Variants in PIAS2 observed in about 807,000 individuals in gnomAD.
PIAS2 encodes the protein protein inhibitor of activated STAT 2.
A neutral mutation model predicts 69.7 loss-of-function variants in PIAS2; 19 were observed. That is an observed-to-expected ratio of 0.27 (90% CI 0.19 to 0.40). PIAS2 has a LOEUF of 0.40. PIAS2 is among the 10% of genes least tolerant of loss of function. The pLI, the probability that PIAS2 is intolerant of heterozygous loss-of-function variation, is 1.00. For missense variants in PIAS2, 624 were observed against 757.0 expected, an observed-to-expected ratio of 0.82 and a Z score of 2.06; for synonymous variants, 261 against 263.2, an observed-to-expected ratio of 0.99 and a Z score of 0.08.
intron 1 of PIAS2, among the ~76,000 whole-genome samples, chr18:46,906,561 ATT>A (rs1232444029): frequency 6.6e-6 from 1 of 152,188 alleles, no homozygotes; most frequent in Non-Finnish European, 1.5e-5. Context: ...TATAAAAATA[ATT>A]TGTTAGAAAT....
intron 2 of PIAS2, among the ~76,000 whole-genome samples, chr18:46,879,652 G>A (rs1177391979): frequency 6.6e-6 from 1 of 152,136 alleles, no homozygotes; most frequent in Non-Finnish European, 1.5e-5. Context: ...AAATGTGGAA[G>A]CAATCCAAGT....
At chr18:46,850,236 A>G in intron 5 of PIAS2, among the ~76,000 whole-genome samples, 1 of 152,080 alleles carries the variant, frequency 6.6e-6, no homozygotes, top group East Asian at 1.9e-4. Flanking sequence ...TCTCAGATAC[A>G]TTTTCTATTT....
chr18:46,868,997 A>G (rs2049917014), intron 2 of PIAS2, among the ~76,000 whole-genome samples: 1 of 152,210 alleles, frequency 6.6e-6, no homozygotes, highest in Non-Finnish European at 1.5e-5. Context: ...CAAGGTAAGA[A>G]AAGTCGTGGG....
chr18:46,870,272 C>T (rs1372705627), intron 2 of PIAS2, among the ~76,000 whole-genome samples: 1 of 151,108 alleles, frequency 6.6e-6, no homozygotes, highest in African/African-American at 2.4e-5. Flanking sequence ...GAGAAGGAAT[C>T]GGCTTTGTAA....
chr18:46,903,551 T>G (rs2056186281), intron 1 of PIAS2: 1 of 152,050 alleles, frequency 6.6e-6, no homozygotes, highest in African/African-American at 2.4e-5. Flanking sequence ...TGAAAAACAC[T>G]GATAACACCA....
chr18:46,829,529 A>G (rs1183188837), intron 10 of PIAS2, among the ~76,000 whole-genome samples: 1 of 152,222 alleles, frequency 6.6e-6, no homozygotes, highest in African/African-American at 2.4e-5. Flanking sequence ...CACAGGAAAA[A>G]TATACTATGA....
chr18:46,844,841 TACAA>T lies in PIAS2; in HGVS notation c.862-6_862-3del. 2.2e-6 allele frequency: 3 copies of T among 1,335,090 alleles called. No homozygotes were observed. Among genetic ancestry groups the T allele is most frequent in the Non-Finnish European group, 3.0e-6 (3 of 990,058 alleles). 82.7% of individuals were successfully genotyped at this position (1,335,090 alleles called of 1,614,324 possible). A position where few individuals can be genotyped will look rare whatever the true frequency, so the allele number is the denominator to read the frequency against. ...AAGATATACAGACATAGAGTAATTC[TACAA>T]ACAAACAAAAAAAACCTGCATTAAA... On this transcript the variant is annotated splice_region_variant and splice_polypyrimidine_tract_variant and intron_variant, in intron 6 of 13. Transcript: ENST00000585916.
At chr18:46,907,790 G>C (rs1459699778) in intron 1 of PIAS2, 1 of 152,142 alleles carries the variant, frequency 6.6e-6, no homozygotes, top group African/African-American at 2.4e-5. Context: ...GGGTTCTGCA[G>C]GGCCAACTTC....
At chr18:46,866,669 T>G (rs563701994) in intron 2 of PIAS2, among the ~76,000 whole-genome samples, 1 of 152,248 alleles carries the variant, frequency 6.6e-6, no homozygotes, top group East Asian at 1.9e-4. Context: ...AGTGATGGCA[T>G]TGAAAGGCAG....
At chr18:46,917,675 A>C (rs1358384361), upstream of PIAS2, 1 of 542,452 alleles carries the variant, frequency 1.8e-6, no homozygotes, top group Non-Finnish European at 2.4e-6. Context: ...GCTCGGCCCC[A>C]GGTCGTGCCT....
At chr18:46,867,185 T>C (rs1249245527) in intron 2 of PIAS2, among the ~76,000 whole-genome samples, 2 of 152,132 alleles carry the variant, frequency 1.3e-5, no homozygotes, top group Non-Finnish European at 2.9e-5. Context: ...TTCTGACATA[T>C]CTTTGACTTT....
intron 1 of PIAS2, among the ~76,000 whole-genome samples, chr18:46,909,274 T>C (rs377105484): frequency 2.0e-5 from 3 of 152,292 alleles, no homozygotes; most frequent in African/African-American, 7.2e-5. Context: ...AACTTTTTTT[T>C]TTGAAACAGG....
At chr18:46,917,673 C>T (rs997216193), upstream of PIAS2, 1 of 539,280 alleles carries the variant, frequency 1.9e-6, no homozygotes, top group African/African-American at 2.1e-5. Context: ...CCGCTCGGCC[C>T]CAGGTCGTGC....
Position 46,808,497 on chromosome 18 carries a change from C to T in PIAS2, c.*3936G>A, listed in dbSNP as rs1238385322. ...TTACAAACCAGTCACTAGGCAGGAA[C>T]ATTAGACTCCAAAAGCAGAGAAATG... is the stretch of plus-strand genomic sequence containing the variant. On this transcript the variant is annotated 3_prime_UTR_variant, in exon 14 of 14. Transcript: ENST00000585916. 6.6e-6 allele frequency: 1 copy of T among 152,176 alleles called. No homozygotes were observed. The highest frequency in any genetic ancestry group is 1.5e-5 in the Non-Finnish European group (1 of 68,038). 9.4% of individuals were successfully genotyped at this position (152,176 alleles called of 1,614,324 possible).
At chr18:46,856,108 C>T (rs1389476880) in intron 3 of PIAS2, among the ~76,000 whole-genome samples, 1 of 149,786 alleles carries the variant, frequency 6.7e-6, no homozygotes, top group Non-Finnish European at 1.5e-5. Context: ...CGGGTTCACG[C>T]CATTCTCCTG....
chr18:46,812,586 A>G lies in PIAS2; in HGVS notation c.1713T>C (p.Ser571=). The G allele has an allele frequency of 1.2e-6, 2 of 1,613,038 alleles. No homozygotes were observed. Among genetic ancestry groups the G allele is most frequent in the South Asian group, 2.2e-5 (2 of 91,024 alleles). The change falls in exon 14 of 14, where the codon AGT becomes AGC. Residue 571 remains serine, a synonymous_variant. Coordinates refer to ENST00000585916, the MANE Select transcript of PIAS2 (RefSeq NM_004671.5). ...PQYCPPMFLD[S]LTSPLTASST... is the part of the protein sequence containing the mutation. ...TGCTTGCTGTTAAGGGTGAGGTGAG[A>G]CTATCCAAAAACATAGGAGGACAGT... is the stretch of plus-strand genomic sequence containing the variant.
At chr18:46,858,533 C>CA (rs2048181478) in intron 3 of PIAS2, among the ~76,000 whole-genome samples, 1 of 151,996 alleles carries the variant, frequency 6.6e-6, no homozygotes, top group Admixed American at 6.6e-5. Flanking sequence ...CCCATCTATG[C>CA]AAAAAATAGA....
At chr18:46,864,948 C>T (rs1255544001) in intron 2 of PIAS2, among the ~76,000 whole-genome samples, 2 of 151,878 alleles carry the variant, frequency 1.3e-5, no homozygotes, top group Admixed American at 6.6e-5. Flanking sequence ...GCTTTTGGTG[C>T]TCTGTATTTA....
At chr18:46,854,621 C>T (rs1479757942) in intron 5 of PIAS2, among the ~76,000 whole-genome samples, 1 of 152,128 alleles carries the variant, frequency 6.6e-6, no homozygotes, top group Admixed American at 6.5e-5. Context: ...AGTCAAAAGC[C>T]ATCTATTAGG....
Sources: gnomAD v4.1 joint callset for allele counts (sites outside exome capture counted in the v4.1 genomes callset) on GRCh38, gnomAD v4.1.1 for gene constraint, MANE v1.5 for transcripts, NCBI Gene and HGNC (gene_info 2026-07-23, HGNC 2026-07-21) for gene names.